Variants in AHCTF1 observed in about 807,000 individuals in gnomAD.
AHCTF1 encodes the protein AT-hook containing transcription factor 1.
A neutral mutation model predicts 248.4 loss-of-function variants in AHCTF1; 24 were observed. The observed-to-expected ratio is 0.10, with a 90% CI of 0.07 to 0.14. The LOEUF is 0.14. Ranked by LOEUF, AHCTF1 falls within the 10% of genes least tolerant of loss-of-function variation. AHCTF1 has a pLI of 1.00. For missense variants in AHCTF1, 2,206 were observed against 2,636.2 expected (o/e 0.84, Z 3.57); for synonymous variants, 786 against 929.8 (o/e 0.85, Z 2.81).
intron 4 of AHCTF1, among the ~76,000 whole-genome samples, chr1:246,911,443 C>A (rs894852283): frequency 1.3e-5 from 2 of 150,882 alleles, no homozygotes; most frequent in African/African-American, 4.9e-5. Flanking sequence ...TGTATACATA[C>A]CAAATTTTAA....
intron 13 of AHCTF1, among the ~76,000 whole-genome samples, chr1:246,895,211 T>C (rs931239691): frequency 6.6e-6 from 1 of 152,196 alleles, no homozygotes; most frequent in African/African-American, 2.4e-5. Context: ...GGGATTTCAA[T>C]AAGGTCTCTA....
chr1:246,883,943 A>G (rs1324708894), intron 21 of AHCTF1, among the ~76,000 whole-genome samples: 2 of 152,192 alleles, frequency 1.3e-5, no homozygotes, highest in Non-Finnish European at 2.9e-5. Context: ...CTGGAATCAA[A>G]AGGAGGAAAA....
At chr1:246,844,310 T>C (rs1460546353) in intron 33 of AHCTF1, among the ~76,000 whole-genome samples, 2 of 152,224 alleles carry the variant, frequency 1.3e-5, no homozygotes, top group Non-Finnish European at 2.9e-5. Flanking sequence ...ACTACTGCTA[T>C]TGCAGAGACG....
intron 16 of AHCTF1, among the ~76,000 whole-genome samples, chr1:246,890,701 C>G (rs1664153784): frequency 6.6e-6 from 1 of 152,052 alleles, no homozygotes; most frequent in African/African-American, 2.4e-5. Context: ...TTTTCAGGAG[C>G]TATGTTTTCT....
chr1:246,890,956 C>G lies in AHCTF1; in HGVS notation c.2050G>C (p.Asp684His). Residue 684 changes from aspartate to histidine, a missense_variant and splice_region_variant, in exon 16 of 36, where the codon GAT becomes CAT. Physicochemically the swap from Asp to His is moderately conservative, Grantham distance 81. This residue lies in a region of AHCTF1 where 650 missense variants were observed against 870.8 expected (regional missense o/e 0.75). Coordinates refer to ENST00000648844, the MANE Select transcript of AHCTF1 (RefSeq NM_001323342.2). ...SHSGLLPEGI[D>H]DSVQLSRLCY... is the part of the protein sequence containing the mutation. ...CTTATAGATTAAGTAAATATTTTACCTATGCCTTCTGGTAAAAGCCCAGAA... is the reference window on the plus strand; with the variant it reads ...CTTATAGATTAAGTAAATATTTTACGTATGCCTTCTGGTAAAAGCCCAGAA... 6.6e-7 allele frequency: 1 copy of G among 1,510,332 alleles called. No individual in the cohort carries two copies. Among genetic ancestry groups the G allele is most frequent in the Non-Finnish European group, 8.8e-7 (1 of 1,133,116 alleles). The allele number at this position is 1,510,332 out of a possible 1,614,324, so 93.6% of individuals were successfully genotyped here. A position where few individuals can be genotyped will look rare whatever the true frequency, so the allele number is the denominator to read the frequency against.
Position 246,840,249 on chromosome 1 carries a change from TTACA to T in AHCTF1, c.*553_*556del, listed in dbSNP as rs1197788987. ...ACTTGGATTATTCATTTGAGGTAGA[TTACA>T]CAAAATTTGTGAAACTACAAAGATG... is the stretch of plus-strand genomic sequence containing the variant. On this transcript the variant is annotated 3_prime_UTR_variant, in exon 36 of 36. Transcript: ENST00000648844. 3 of 152,632 alleles carry T rather than the reference TTACA, an allele frequency of 2.0e-5. No homozygotes were observed. The highest frequency in any genetic ancestry group is 4.4e-5 in the Non-Finnish European group (3 of 68,046). 9.5% of individuals were successfully genotyped at this position (152,632 alleles called of 1,614,324 possible).
Position 246,869,035 on chromosome 1 carries a change from G to A in AHCTF1, c.3089-1224C>T, listed in dbSNP as rs373188474. Among the ~76,000 whole-genome samples the A allele has an allele frequency of 1.6e-3, 243 of 151,024 alleles. 1 individual carries two copies. The highest frequency in any genetic ancestry group is 0.011 in the East Asian group (55 of 5,132). ...AACTTTTTCTATTTTTAGTAGAGAC[G>A]GGGTTTCACCATGTTGGCCAGGATG... On this transcript the variant is annotated intron_variant, in intron 24 of 35. Transcript: ENST00000648844.
chr1:246,927,738 C>A (rs1572482847), intron 1 of AHCTF1, among the ~76,000 whole-genome samples: 1 of 152,216 alleles, frequency 6.6e-6, no homozygotes. Flanking sequence ...GGCGCGGTAG[C>A]TCAAGCCTGT....
At chr1:246,867,969 A>T (rs867602625) in intron 24 of AHCTF1, among the ~76,000 whole-genome samples, 158 bp from the exon 25 acceptor site, 27 of 133,682 alleles carry the variant, frequency 2.0e-4, no homozygotes, top group Middle Eastern at 4.1e-3. Flanking sequence ...TATATAATTA[A>T]TTTTTTTTCT....
At chr1:246,886,168 T>G (rs1663805950) in intron 20 of AHCTF1, among the ~76,000 whole-genome samples, 2 of 151,992 alleles carry the variant, frequency 1.3e-5, no homozygotes, top group Admixed American at 1.3e-4. Flanking sequence ...TCGTCTCTAC[T>G]AAAAATGTAA....
intron 33 of AHCTF1, among the ~76,000 whole-genome samples, chr1:246,846,800 G>A (rs1660299776): frequency 6.6e-6 from 1 of 152,006 alleles, no homozygotes; most frequent in South Asian, 2.1e-4. Flanking sequence ...TGTCACCTGG[G>A]CTGGAGCACA....
intron 3 of AHCTF1, among the ~76,000 whole-genome samples, chr1:246,915,658 A>G (rs1426144864): frequency 6.6e-6 from 1 of 152,236 alleles, no homozygotes; most frequent in Non-Finnish European, 1.5e-5. Context: ...AGCTCTCTAA[A>G]AGCACAGACC....
At chr1:246,849,526 C>A in intron 33 of AHCTF1, 89 bp downstream of exon 33, 1 of 1,490,980 alleles carries the variant, frequency 6.7e-7, no homozygotes, top group Non-Finnish European at 9.0e-7. Flanking sequence ...GGAAAAATTC[C>A]CTATAAAACC....
intron 21 of AHCTF1, among the ~76,000 whole-genome samples, chr1:246,880,506 G>A (rs1387108359): frequency 1.3e-5 from 2 of 149,904 alleles, no homozygotes; most frequent in East Asian, 3.9e-4. Flanking sequence ...GGAGGTTACA[G>A]TGAGCCGAGA....
intron 4 of AHCTF1, among the ~76,000 whole-genome samples, chr1:246,909,117 A>G (rs1334271434): frequency 6.6e-6 from 1 of 150,440 alleles, no homozygotes; most frequent in African/African-American, 2.4e-5. Context: ...CTATTTATAT[A>G]TATATAAAAT....
At chr1:246,870,580 G>C (rs1662519179) in intron 24 of AHCTF1, among the ~76,000 whole-genome samples, 1 of 151,992 alleles carries the variant, frequency 6.6e-6, no homozygotes, top group South Asian at 2.1e-4. Context: ...CAGATAGAGG[G>C]TCTCCAGGGA....
Position 246,889,054 on chromosome 1 carries a change from C to T in AHCTF1, c.2145-537G>A, listed in dbSNP as rs892965601. ...AGTCAAGGTGAGGTCCCCATGTGGT[C>T]CATCCAGCCAGTGACCATTCTATTT... On this transcript the variant is annotated intron_variant, in intron 17 of 35. Transcript: ENST00000648844. 1.1e-4 allele frequency among the ~76,000 whole-genome samples: 16 copies of T among 152,168 alleles called. 1 individual carries two copies. Among genetic ancestry groups the T allele is most frequent in the Admixed American group, 1.0e-3 (16 of 15,268 alleles).
At chr1:246,859,336 CCCA>C (rs1661349576) in intron 29 of AHCTF1, among the ~76,000 whole-genome samples, 1 of 152,086 alleles carries the variant, frequency 6.6e-6, no homozygotes, top group African/African-American at 2.4e-5. Context: ...AGTTTTCTGA[CCCA>C]CCAATTCTAG....
At chr1:246,851,833 C>T (rs1284861605) in intron 32 of AHCTF1, 1 of 170,368 alleles carries the variant, frequency 5.9e-6, no homozygotes, top group African/African-American at 2.4e-5. Context: ...AATGGTATTC[C>T]CCAAATTACC....
Sources: gnomAD v4.1 joint callset for allele counts (sites outside exome capture counted in the v4.1 genomes callset) on GRCh38, gnomAD v4.1.1 for gene constraint, gnomAD v4.1.1 regional missense constraint, MANE v1.5 for transcripts, NCBI Gene and HGNC (gene_info 2026-07-23, HGNC 2026-07-21) for gene names.